The following ZNF765 variants were observed in gnomAD, a reference collection of about 807,000 sequenced individuals.
The protein encoded by ZNF765 is zinc finger protein 765.
ZNF765 carries 37 observed loss-of-function variants against 44.7 expected under a neutral mutation model. The observed-to-expected ratio is 0.83, with a 90% CI of 0.64 to 1.09. The LOEUF is 1.09. Ranked by LOEUF, ZNF765 falls within the 50% of genes least tolerant of loss-of-function variation. The probability of loss-of-function intolerance (pLI) is 0.00; values close to 1 mark genes in which losing one functional copy is unlikely to be tolerated. For missense variants in ZNF765, 594 were observed against 626.1 expected (o/e 0.95, Z 0.55); for synonymous variants, 201 against 213.7 (o/e 0.94, Z 0.52).
intron 2 of ZNF765, among the ~76,000 whole-genome samples, chr19:53,401,576 TAAA>T (rs112431223): frequency 6.7e-6 from 1 of 149,074 alleles, no homozygotes; most frequent in Admixed American, 6.6e-5. Context: ...AAAATAAAAA[TAAA>T]AAAAAAAACG....
At chr19:53,396,379 G>T (rs1417217875) in intron 1 of ZNF765, among the ~76,000 whole-genome samples, 1 of 152,218 alleles carries the variant, frequency 6.6e-6, no homozygotes, top group Non-Finnish European at 1.5e-5. Context: ...GTACGCACCG[G>T]CTCAGTGGAT....
At chr19:53,425,768 C>T (rs1399754011) in exon 4 of ZNF765, 2 of 152,390 alleles carry the variant, frequency 1.3e-5, no homozygotes, top group African/African-American at 4.8e-5. Context: ...AGCTTCTGAC[C>T]CTGAATAGTC....
At chr19:53,406,098 G>A (rs183995834) in intron 3 of ZNF765, among the ~76,000 whole-genome samples, 2,441 of 145,788 alleles carry the variant, frequency 0.017, 78 homozygotes, top group African/African-American at 0.029. Context: ...GTGCAATCTC[G>A]GCTCACTACA....
At chr19:53,395,949 G>T (rs2085663733) in intron 1 of ZNF765, among the ~76,000 whole-genome samples, 1 of 151,924 alleles carries the variant, frequency 6.6e-6, no homozygotes, top group South Asian at 2.1e-4. Context: ...ATAACAGATG[G>T]CAAAGTAGAG....
At chr19:53,404,735 C>T (rs2085759036) in intron 3 of ZNF765, among the ~76,000 whole-genome samples, 2 of 151,988 alleles carry the variant, frequency 1.3e-5, no homozygotes, top group Admixed American at 6.6e-5. Context: ...GCTGGGATTA[C>T]AGGCGTGAAC....
Position 53,408,810 on chromosome 19 carries a change from A to G in ZNF765, c.1255A>G (p.Thr419Ala). 1 of 1,614,172 alleles carries G rather than the reference A, an allele frequency of 6.2e-7. No homozygotes were observed. Among genetic ancestry groups the G allele is most frequent in the Non-Finnish European group, 8.5e-7 (1 of 1,180,026 alleles). ...KPYKCNECGK[T>A]FNQQLTLNIC... is the part of the protein sequence containing the mutation. ...TTACAAGTGTAATGAGTGTGGCAAG[A>G]CCTTCAATCAGCAGTTAACCCTTAA... The change falls in exon 4 of 4, where the codon ACC becomes GCC. Residue 419 changes from threonine to alanine, a missense_variant. Coordinates refer to ENST00000396408, the MANE Select transcript of ZNF765 (RefSeq NM_001040185.3).
chr19:53,401,955 G>C (rs770096897), intron 2 of ZNF765, 110 bp from the exon 3 acceptor site: 1 of 1,609,170 alleles, frequency 6.2e-7, no homozygotes, highest in African/African-American at 1.3e-5. Context: ...AGATTTGTTA[G>C]AACATTCACT....
chr19:53,419,907 T>C lies in ZNF765; in HGVS notation c.143-3155T>C, dbSNP rs368580751. ...GGTGGCAGGCGCCTGTAATCCCAGCTAGTTGAGAGGATGAAGCAGGGAGAA... is the reference window on the plus strand; with the variant it reads ...GGTGGCAGGCGCCTGTAATCCCAGCCAGTTGAGAGGATGAAGCAGGGAGAA... On this transcript the variant is annotated intron_variant, in intron 3 of 3. Coordinates refer to the ZNF765 transcript ENST00000594030. 4.0e-4 allele frequency among the ~76,000 whole-genome samples: 60 copies of C among 151,642 alleles called. 1 individual carries two copies. The highest frequency in any genetic ancestry group is 1.4e-3 in the African/African-American group (57 of 41,334).
At chr19:53,396,249 AG>A (rs1033446294) in intron 1 of ZNF765, among the ~76,000 whole-genome samples, 3 of 150,012 alleles carry the variant, frequency 2.0e-5, no homozygotes, top group Non-Finnish European at 3.0e-5. Flanking sequence ...AGTGGGGATG[AG>A]GGTATAACAG....
At chr19:53,427,093 T>C (rs1399264433) in exon 4 of ZNF765, 1 of 134,942 alleles carries the variant, frequency 7.4e-6, no homozygotes, top group Admixed American at 7.2e-5. Flanking sequence ...ACAGTGTGTT[T>C]ATCCGTGCAT....
intron 1 of ZNF765, among the ~76,000 whole-genome samples, chr19:53,397,389 A>G (rs1392092950): frequency 6.6e-6 from 1 of 152,090 alleles, no homozygotes; most frequent in Admixed American, 6.5e-5. Context: ...GTGTAAACTT[A>G]AGTGTGCCCG....
At chr19:53,398,403 A>G (rs1478594931) in intron 2 of ZNF765, among the ~76,000 whole-genome samples, 1 of 152,202 alleles carries the variant, frequency 6.6e-6, no homozygotes, top group African/African-American at 2.4e-5. Context: ...TCATGTATTC[A>G]TGTGCACAAA....
In ZNF765 at chr19:53,409,432, C is replaced by T; in HGVS notation, c.*305C>T. 1 of 853,532 alleles carries T rather than the reference C, an allele frequency of 1.2e-6. No homozygotes were observed. The highest frequency in any genetic ancestry group is 2.0e-6 in the Non-Finnish European group (1 of 491,530). The allele number at this position is 853,532 out of a possible 1,614,324, so 52.9% of individuals were successfully genotyped here. ...CAACCTTGAAAGACATAGGAGAATT[C>T]ACACTGGTGAGAAACCTTACAGGTG... On this transcript the variant is annotated 3_prime_UTR_variant, in exon 4 of 4. Transcript: ENST00000396408.
chr19:53,401,997 C>A, intron 2 of ZNF765, 68 bp from the exon 3 acceptor site: 1 of 1,613,842 alleles, frequency 6.2e-7, no homozygotes, highest in South Asian at 1.1e-5. Context: ...CCTCTCTCTT[C>A]TTCTCATTTT....
chr19:53,405,226 G>A (rs1166791574), intron 3 of ZNF765, among the ~76,000 whole-genome samples: 1 of 151,988 alleles, frequency 6.6e-6, no homozygotes, highest in African/African-American at 2.4e-5. Context: ...GTGGCGCAAG[G>A]CTGTTATCCC....
At chr19:53,405,034 A>T (rs779961487) in intron 3 of ZNF765, among the ~76,000 whole-genome samples, 1 of 152,056 alleles carries the variant, frequency 6.6e-6, no homozygotes, top group African/African-American at 2.4e-5. Flanking sequence ...TCTTGCCAGC[A>T]TGGTGAAACC....
chr19:53,412,759 T>G (rs1600062460), downstream of ZNF765, among the ~76,000 whole-genome samples: 1 of 152,084 alleles, frequency 6.6e-6, no homozygotes, highest in South Asian at 2.1e-4. Context: ...GACCTCGTGA[T>G]CCACCCGCCT....
chr19:53,402,512 G>A (rs1260555832), intron 3 of ZNF765, among the ~76,000 whole-genome samples: 4 of 151,822 alleles, frequency 2.6e-5, no homozygotes, highest in African/African-American at 4.8e-5. Context: ...CACACACCTC[G>A]GCCTCCCAAA....
intron 2 of ZNF765, among the ~76,000 whole-genome samples, chr19:53,401,287 G>T (rs1464622109): frequency 6.6e-6 from 1 of 152,186 alleles, no homozygotes; most frequent in African/African-American, 2.4e-5. Context: ...TTCTGGGCCG[G>T]GCACTGTGTC....
Sources: gnomAD v4.1 joint callset for allele counts (sites outside exome capture counted in the v4.1 genomes callset) on GRCh38, gnomAD v4.1.1 for gene constraint, MANE v1.5 for transcripts, NCBI Gene and HGNC (gene_info 2026-07-23, HGNC 2026-07-21) for gene names.